PPP1R21: variants seen among roughly 807,000 people sequenced by gnomAD.
PPP1R21 encodes protein phosphatase 1 regulatory subunit 21.
Under a neutral mutation model 112.8 loss-of-function variants are expected in PPP1R21, and 85 were observed. That is an observed-to-expected ratio of 0.75 (90% CI 0.63 to 0.90). The LOEUF is 0.90. Among genes scored for constraint, PPP1R21 ranks in the 40% least tolerant of loss-of-function variants. PPP1R21 has a pLI of 0.00. For missense variants in PPP1R21, 1,199 were observed against 901.5 expected, an observed-to-expected ratio of 1.33 and a Z score of -4.23; for synonymous variants, 381 against 322.3, an observed-to-expected ratio of 1.18 and a Z score of -1.95.
chr2:48,460,724 A>ATTACCAGCGTTT (rs58204101), intron 6 of PPP1R21, among the ~76,000 whole-genome samples: 1 of 152,108 alleles, frequency 6.6e-6, no homozygotes, highest in African/African-American at 2.4e-5. Context: ...AAACACAGAA[A>ATTACCAGCGTTT]GAGTTCAAGG....
chr2:48,463,153 C>G (rs1274842424), intron 7 of PPP1R21, among the ~76,000 whole-genome samples: 1 of 152,190 alleles, frequency 6.6e-6, no homozygotes, highest in Admixed American at 6.5e-5. Flanking sequence ...AAACTGATGT[C>G]AACACTATTG....
At chr2:48,491,677 A>G (rs919121202) in intron 15 of PPP1R21, among the ~76,000 whole-genome samples, 9 of 152,170 alleles carry the variant, frequency 5.9e-5, no homozygotes, top group African/African-American at 1.7e-4. Context: ...AAAAAATGTT[A>G]TTATATGTTT....
At chr2:48,504,427 G>C (rs896262093) in intron 17 of PPP1R21, among the ~76,000 whole-genome samples, 1 of 152,188 alleles carries the variant, frequency 6.6e-6, no homozygotes, top group African/African-American at 2.4e-5. Context: ...CAGATCACGA[G>C]GTCAGGAGTT....
chr2:48,465,757 C>A, intron 9 of PPP1R21, 115 bp downstream of exon 9: 1 of 815,278 alleles, frequency 1.2e-6, no homozygotes, highest in Non-Finnish European at 1.8e-6. Context: ...GGAAAAAACC[C>A]AAAAAGCATA....
chr2:48,440,857 T>A lies in PPP1R21; in HGVS notation c.-97T>A. ...CGGCTGCGGTGGCCAAGCAGGCAGA[T>A]ACTGCCTGACCCGTTCCCGGGAGCG... is the stretch of plus-strand genomic sequence containing the variant. On this transcript the variant is annotated 5_prime_UTR_variant, in exon 1 of 22. Transcript: ENST00000294952. The A allele has an allele frequency of 4.7e-6, 4 of 858,284 alleles. No homozygotes were observed. Among genetic ancestry groups the A allele is most frequent in the Non-Finnish European group, 7.4e-6 (4 of 542,822 alleles). 53.2% of individuals were successfully genotyped at this position (858,284 alleles called of 1,614,324 possible).
chr2:48,477,237 G>C (rs756939293), intron 12 of PPP1R21, among the ~76,000 whole-genome samples: 7 of 148,830 alleles, frequency 4.7e-5, no homozygotes, highest in Admixed American at 2.0e-4. Flanking sequence ...TCCTGCTTCA[G>C]CCTCCCGAGT....
At position 48,498,726 on chromosome 2, in the gene PPP1R21, C is replaced by T; in HGVS notation, c.1926C>T (p.Ser642=). 2 of 1,614,124 alleles carry T rather than the reference C, an allele frequency of 1.2e-6. No homozygotes were observed. Among genetic ancestry groups the T allele is most frequent in the South Asian group, 1.1e-5 (1 of 91,062 alleles). The change falls in exon 17 of 22, where the codon AGC becomes AGT. Residue 642 remains serine (S), a synonymous_variant. Coordinates refer to ENST00000294952, the MANE Select transcript of PPP1R21 (RefSeq NM_001135629.3). ...TAKAVLEPIQ[S]TSLIGTLTRT... is the part of the protein sequence containing the mutation. ...AGGCTGTGTTGGAGCCCATTCAGAG[C>T]ACCAGTCTAGTAAGTGTCTTCTTGG... is the stretch of plus-strand genomic sequence containing the variant.
chr2:48,495,693 T>C lies in PPP1R21; in HGVS notation c.1614T>C (p.Ser538=). 3 of 1,607,012 alleles carry C rather than the reference T, an allele frequency of 1.9e-6. No individual in the cohort carries two copies. Among genetic ancestry groups the C allele is most frequent in the South Asian group, 2.2e-5 (2 of 90,920 alleles). ...TTTTATCATAGCCCCTCTTGGAGTC[T>C]GTGCCTTATGAAGAAGCACTGGCAA... The part of the protein sequence containing the change: ...MKSLRKPLLE[S]VPYEEALANR... The change falls in exon 16 of 22, where the codon TCT becomes TCC. Residue 538 remains serine, a synonymous_variant. Coordinates refer to ENST00000294952, the MANE Select transcript of PPP1R21 (RefSeq NM_001135629.3).
Position 48,461,197 on chromosome 2 carries a change from C to G in PPP1R21, c.659C>G (p.Ser220Ter), listed in dbSNP as rs1667961740. 1.3e-6 allele frequency: 2 copies of G among 1,574,722 alleles called. No homozygotes were observed. ...DLSGRLEESL[S>*]IINEKVPFND... ...TCAGGTAGATTAGAGGAATCCTTAT[C>G]AATCATCAATGAAAAAGTACCTTTT... The change falls in exon 7 of 22, where the codon TCA becomes TGA. Residue 220 changes from serine to a stop codon, truncating the protein, a stop_gained. Coordinates refer to ENST00000294952, the MANE Select transcript of PPP1R21 (RefSeq NM_001135629.3). LOFTEE classifies it high-confidence loss of function.
chr2:48,475,602 C>G (rs1668716916), intron 12 of PPP1R21, among the ~76,000 whole-genome samples: 1 of 151,868 alleles, frequency 6.6e-6, no homozygotes, highest in Non-Finnish European at 1.5e-5. Context: ...AATCCCAGCA[C>G]TTTGGGAGGC....
At chr2:48,475,127 A>C (rs1038200372) in intron 12 of PPP1R21, among the ~76,000 whole-genome samples, 2 of 151,518 alleles carry the variant, frequency 1.3e-5, no homozygotes, top group African/African-American at 4.9e-5. Context: ...CTGAGGTGGG[A>C]GGATGGCTTG....
intron 3 of PPP1R21, among the ~76,000 whole-genome samples, chr2:48,456,906 G>T (rs1370191709): frequency 6.6e-6 from 1 of 152,102 alleles, no homozygotes; most frequent in Non-Finnish European, 1.5e-5. Flanking sequence ...CAAAAAATTA[G>T]CCCAGCATGG....
intron 19 of PPP1R21, among the ~76,000 whole-genome samples, chr2:48,508,859 T>G (rs1392348212): frequency 6.6e-6 from 1 of 152,216 alleles, no homozygotes. Flanking sequence ...CATTTAGTTA[T>G]TTTAGTAAAT....
chr2:48,483,108 A>T (rs924795424), intron 13 of PPP1R21, among the ~76,000 whole-genome samples: 1 of 151,762 alleles, frequency 6.6e-6, no homozygotes, highest in Non-Finnish European at 1.5e-5. Flanking sequence ...CCTGCAAAGG[A>T]CATGATCTCG....
intron 20 of PPP1R21, 105 bp from the exon 21 acceptor site, chr2:48,511,235 A>G: frequency 9.0e-7 from 1 of 1,105,602 alleles, no homozygotes; most frequent in Non-Finnish European, 1.3e-6. Context: ...AATTATTGGG[A>G]AACTATAATT....
At chr2:48,453,809 T>C (rs1433926701) in intron 2 of PPP1R21, among the ~76,000 whole-genome samples, 1 of 152,258 alleles carries the variant, frequency 6.6e-6, no homozygotes. Context: ...ATCTTTGATA[T>C]GTCAGAATAG....
chr2:48,507,051 T>G (rs1004757593), intron 18 of PPP1R21, among the ~76,000 whole-genome samples: 8 of 151,890 alleles, frequency 5.3e-5, no homozygotes. Context: ...CTTGAAGCCA[T>G]AACTTCATTC....
At chr2:48,487,204 T>C (rs1026046020) in intron 14 of PPP1R21, among the ~76,000 whole-genome samples, 1 of 152,152 alleles carries the variant, frequency 6.6e-6, no homozygotes, top group African/African-American at 2.4e-5. Flanking sequence ...TATAGAACAC[T>C]GGGAACATAC....
chr2:48,491,753 TA>T (rs1399716299), intron 15 of PPP1R21, among the ~76,000 whole-genome samples: 2 of 152,144 alleles, frequency 1.3e-5, no homozygotes, highest in African/African-American at 4.8e-5. Flanking sequence ...TGTTTTAGAA[TA>T]TTTTTTTCTC....
Sources: gnomAD v4.1 joint callset for allele counts (sites outside exome capture counted in the v4.1 genomes callset) on GRCh38, gnomAD v4.1.1 for gene constraint, MANE v1.5 for transcripts, NCBI Gene and HGNC (gene_info 2026-07-23, HGNC 2026-07-21) for gene names.